TSC22D1: variants seen among roughly 807,000 people sequenced by gnomAD.
TSC22D1 encodes the protein TSC22 domain family protein 1.
TSC22D1 carries 9 observed loss-of-function variants against 74.2 expected under a neutral mutation model. That is an observed-to-expected ratio of 0.12 (90% CI 0.07 to 0.21). The LOEUF (loss-of-function observed/expected upper bound fraction) is 0.21. TSC22D1 is among the 10% of genes least tolerant of loss of function. The probability of loss-of-function intolerance (pLI) is 1.00; values close to 1 mark genes in which losing one functional copy is unlikely to be tolerated. For synonymous variants in TSC22D1, 586 were observed against 492.5 expected, an observed-to-expected ratio of 1.19 and a Z score of -2.51; for missense variants, 1,427 against 1,304.7, an observed-to-expected ratio of 1.09 and a Z score of -1.44.
At chr13:44,487,521 A>AAAAAAAAG (rs1566135759) in intron 1 of TSC22D1, among the ~76,000 whole-genome samples, 1 of 147,816 alleles carries the variant, frequency 6.8e-6, no homozygotes, top group African/African-American at 2.5e-5. Context: ...AAAAAAAAAA[A>AAAAAAAAG]AAAAAAGAAA....
intron 1 of TSC22D1, among the ~76,000 whole-genome samples, chr13:44,442,914 C>CAAA (rs386378995): frequency 0.013 from 1,151 of 86,836 alleles, 46 homozygotes; most frequent in African/African-American, 0.045. Context: ...GAGACTCTGT[C>CAAA]AAAAAAAAAA....
At chr13:44,538,932 A>G (rs770961380) in intron 1 of TSC22D1, 26 of 985,286 alleles carry the variant, frequency 2.6e-5, no homozygotes, top group Non-Finnish European at 3.1e-5. Flanking sequence ...CATTATCAAG[A>G]TACCTGGAGT....
intron 1 of TSC22D1, among the ~76,000 whole-genome samples, chr13:44,526,724 A>G (rs777288755): frequency 6.6e-6 from 1 of 152,238 alleles, no homozygotes; most frequent in South Asian, 2.1e-4. Context: ...TACTGAATGC[A>G]TATTGCTTTT....
chr13:44,456,771 A>G (rs554906361), intron 1 of TSC22D1, among the ~76,000 whole-genome samples: 1 of 152,364 alleles, frequency 6.6e-6, no homozygotes, highest in East Asian at 1.9e-4. Context: ...ATATGAGAGC[A>G]TAAGTGAAAA....
intron 1 of TSC22D1, among the ~76,000 whole-genome samples, chr13:44,479,069 A>G (rs1028844686): frequency 6.6e-6 from 1 of 152,192 alleles, no homozygotes; most frequent in Non-Finnish European, 1.5e-5. Flanking sequence ...TGGCCCTAGG[A>G]GCAGATCCAA....
At chr13:44,446,622 G>A (rs899284287) in intron 1 of TSC22D1, among the ~76,000 whole-genome samples, 2 of 151,982 alleles carry the variant, frequency 1.3e-5, no homozygotes, top group Non-Finnish European at 2.9e-5. Context: ...GTGCCTGTAT[G>A]CCCTGAATCA....
Position 44,574,680 on chromosome 13 carries a change from A to G in TSC22D1, c.1395T>C (p.Thr465=). Residue 465 remains threonine, a synonymous_variant, in exon 1 of 3, where the codon ACT becomes ACC. Coordinates refer to ENST00000458659, the MANE Select transcript of TSC22D1 (RefSeq NM_183422.4). ...PIEVTSERES[T]SGSSVSSSVS... ...CACTACTGCTCACTGAACTCCCACTAGTGCTCTCCCTTTCAGAAGTCACTT... is the reference window on the plus strand; with the variant it reads ...CACTACTGCTCACTGAACTCCCACTGGTGCTCTCCCTTTCAGAAGTCACTT... 6 of 1,614,144 alleles carry G rather than the reference A, an allele frequency of 3.7e-6. No individual in the cohort carries two copies. Among genetic ancestry groups the G allele is most frequent in the Non-Finnish European group, 5.1e-6 (6 of 1,180,036 alleles).
intron 1 of TSC22D1, among the ~76,000 whole-genome samples, chr13:44,485,955 A>G (rs1878411559): frequency 6.6e-6 from 1 of 152,090 alleles, no homozygotes; most frequent in Non-Finnish European, 1.5e-5. Flanking sequence ...GAATAATTTT[A>G]GATTTTGTTA....
chr13:44,493,707 G>A (rs1317481765), intron 1 of TSC22D1, among the ~76,000 whole-genome samples: 1 of 152,190 alleles, frequency 6.6e-6, no homozygotes, highest in Non-Finnish European at 1.5e-5. Flanking sequence ...TGAGAGGACT[G>A]TAAATAACCT....
chr13:44,486,223 AC>A (rs575922024), intron 1 of TSC22D1, among the ~76,000 whole-genome samples: 189 of 152,230 alleles, frequency 1.2e-3, no homozygotes, highest in African/African-American at 4.0e-3. Context: ...CCACAAAAAA[AC>A]AATCCACTAT....
chr13:44,538,079 C>G, intron 1 of TSC22D1: 3 of 985,242 alleles, frequency 3.0e-6, no homozygotes, highest in Non-Finnish European at 3.6e-6. Context: ...AACTATTTTG[C>G]AACACTTATT....
In TSC22D1 at chr13:44,574,059, G is replaced by T. The variant is rs764959083; in HGVS notation, c.2016C>A (p.Pro672=). 2.5e-6 allele frequency: 4 copies of T among 1,614,074 alleles called. No individual in the cohort carries two copies. The African/African-American group carries it at 5.3e-5, about 22-fold the overall frequency. ...ILQTAMSSGQ[P]SSAGVGAGTT... ...TTCCTGCTCCTACTCCTGCAGAACTGGGCTGTCCGGAGGACATTGCTGTTT... is the reference window on the plus strand; with the variant it reads ...TTCCTGCTCCTACTCCTGCAGAACTTGGCTGTCCGGAGGACATTGCTGTTT... Residue 672 remains proline, a synonymous_variant, in exon 1 of 3, where the codon CCC becomes CCA. Coordinates refer to ENST00000458659, the MANE Select transcript of TSC22D1 (RefSeq NM_183422.4).
Position 44,573,913 on chromosome 13 carries a change from G to A in TSC22D1, c.2162C>T (p.Ser721Phe). 6.2e-7 allele frequency: 1 copy of A among 1,614,190 alleles called. No homozygotes were observed. Among genetic ancestry groups the A allele is most frequent in the Non-Finnish European group, 8.5e-7 (1 of 1,180,052 alleles). The stretch of plus-strand genomic sequence containing the variant: ...AATCTGACTGCCAGTAGGTACAGCA[G>A]ACACTGCTGCCGGAGCCTGGCCAAC... ...QPVGQAPAAV[S>F]AVPTGSQIAN... Residue 721 changes from serine (S) to phenylalanine (F), a missense_variant, in exon 1 of 3, where the codon TCT becomes TTT. Transcript: ENST00000458659.
At chr13:44,459,892 T>G (rs2138946237) in intron 1 of TSC22D1, among the ~76,000 whole-genome samples, 1 of 152,226 alleles carries the variant, frequency 6.6e-6, no homozygotes, top group South Asian at 2.1e-4. Context: ...CCACTGACCC[T>G]TGGCAGGCAT....
intron 1 of TSC22D1, among the ~76,000 whole-genome samples, chr13:44,452,275 C>T (rs1876205175): frequency 6.6e-6 from 1 of 152,202 alleles, no homozygotes; most frequent in South Asian, 2.1e-4. Context: ...GTGGCAACTA[C>T]TCGAAAAAGG....
intron 1 of TSC22D1, among the ~76,000 whole-genome samples, chr13:44,485,321 G>A (rs1878380480): frequency 6.6e-6 from 1 of 152,018 alleles, no homozygotes; most frequent in Non-Finnish European, 1.5e-5. Flanking sequence ...CTCCAGCTAT[G>A]AATCTAAAAG....
intron 1 of TSC22D1, among the ~76,000 whole-genome samples, chr13:44,561,874 A>G (rs1267200216): frequency 1.3e-5 from 2 of 152,172 alleles, no homozygotes; most frequent in East Asian, 1.9e-4. Context: ...ATCTTTTGTC[A>G]TTTTTCTTAA....
intron 1 of TSC22D1, among the ~76,000 whole-genome samples, chr13:44,524,412 G>A (rs1242024967): frequency 2.6e-5 from 4 of 152,138 alleles, no homozygotes; most frequent in African/African-American, 9.7e-5. Context: ...ACCAGAAGCA[G>A]CAACTATTGC....
chr13:44,576,222 G>A lies in TSC22D1; in HGVS notation c.-148C>T. 6 of 1,190,994 alleles carry A rather than the reference G, an allele frequency of 5.0e-6. No homozygotes were observed. Among genetic ancestry groups the A allele is most frequent in the East Asian group, 2.6e-5 (1 of 38,216 alleles). The allele number at this position is 1,190,994 out of a possible 1,614,324, so 73.8% of individuals were successfully genotyped here. ...CTCCTCCTCCTCAGCCAAAGGCGCCGGTCGCTCCTGCCTTCGAGAGCGAGC... is the reference window on the plus strand; with the variant it reads ...CTCCTCCTCCTCAGCCAAAGGCGCCAGTCGCTCCTGCCTTCGAGAGCGAGC... On this transcript the variant is annotated 5_prime_UTR_variant, in exon 1 of 3. Transcript: ENST00000458659.
Sources: allele counts gnomAD v4.1 joint callset (sites outside exome capture counted in the v4.1 genomes callset), GRCh38; gene constraint gnomAD v4.1.1; transcripts MANE v1.5; gene names NCBI Gene and HGNC (gene_info 2026-07-23, HGNC 2026-07-21).